The following RNF213 variants were observed in gnomAD, a reference collection of about 807,000 sequenced individuals.
RNF213 encodes the protein E3 ubiquitin-protein ligase RNF213.
In RNF213, 341 loss-of-function variants were observed where a neutral mutation model predicts 514.4. The observed-to-expected ratio is 0.66, with a 90% CI of 0.61 to 0.73. The LOEUF (loss-of-function observed/expected upper bound fraction) is 0.73, where lower values mean the gene tolerates loss of function less well. Among genes scored for constraint, RNF213 ranks in the 30% least tolerant of loss-of-function variants. The pLI, the probability that RNF213 is intolerant of heterozygous loss-of-function variation, is 0.00. For synonymous variants in RNF213, 2,655 were observed against 2,658.2 expected, an observed-to-expected ratio of 1.00 and a Z score of 0.04; for missense variants, 5,767 against 6,615.6, an observed-to-expected ratio of 0.87 and a Z score of 4.45.
chr17:80,273,204 C>G (rs1443918497), intron 2 of RNF213, 37 bp from the exon 3 acceptor site: 2 of 1,611,972 alleles, frequency 1.2e-6, no homozygotes, highest in African/African-American at 1.3e-5. Context: ...ACTCGCTTCT[C>G]TCTGAGATCT....
chr17:80,373,150 CG>C lies in RNF213; in HGVS notation c.12928del (p.Val4310LeufsTer48). ...RPHQWVFPKD[V>X]VKQQGLRQDH... is the part of the protein sequence containing the mutation. ...CGCACCAGTGGGTGTTTCCCAAGGA[CG>C]TTGTCAAGCAGCAGGTGAGAAGCGG... On this transcript the variant is annotated frameshift_variant, in exon 49 of 68. Transcript: ENST00000582970. LOFTEE classifies it high-confidence loss of function. 2 of 1,611,430 alleles carry C rather than the reference CG, an allele frequency of 1.2e-6. No homozygotes were observed. Among genetic ancestry groups the C allele is most frequent in the Middle Eastern group, 3.7e-4 (2 of 5,458 alleles).
At chr17:80,359,394 C>T (rs1349111455) in intron 37 of RNF213, among the ~76,000 whole-genome samples, 1 of 151,382 alleles carries the variant, frequency 6.6e-6, no homozygotes, top group Non-Finnish European at 1.5e-5. Context: ...TAACGTGGTG[C>T]GCACCTGTAG....
At chr17:80,331,433 G>A (rs1426419859) in intron 20 of RNF213, among the ~76,000 whole-genome samples, 1 of 144,570 alleles carries the variant, frequency 6.9e-6, no homozygotes, top group Non-Finnish European at 1.5e-5. Flanking sequence ...CTGTCACCCA[G>A]GCTGGAGTGC....
chr17:80,375,289 G>A (rs1454010155), intron 50 of RNF213, among the ~76,000 whole-genome samples: 1 of 152,196 alleles, frequency 6.6e-6, no homozygotes, highest in Non-Finnish European at 1.5e-5. Context: ...GCCCATGTGG[G>A]GCATGACCCC....
chr17:80,352,926 T>C lies in RNF213; in HGVS notation c.10304-14T>C. The C allele has an allele frequency of 6.2e-7, 1 of 1,614,004 alleles. No homozygotes were observed. The highest frequency in any genetic ancestry group is 1.1e-5 in the South Asian group (1 of 91,088). On this transcript the variant is annotated splice_polypyrimidine_tract_variant and intron_variant, in intron 32 of 67. Coordinates refer to ENST00000582970, the MANE Select transcript of RNF213 (RefSeq NM_001256071.3). ...AGACACAAAGACAGTTGTGGGTGGC[T>C]TCACTCTTCACAGGGCTGTGGCAGT...
intron 3 of RNF213, among the ~76,000 whole-genome samples, chr17:80,284,745 C>T (rs2044413336): frequency 6.6e-6 from 1 of 152,158 alleles, no homozygotes; most frequent in Non-Finnish European, 1.5e-5. Context: ...AGCTGTTTCC[C>T]GTTACTCCCT....
At position 80,354,170 on chromosome 17, in the gene RNF213, T is replaced by G. The variant is rs2078641759; in HGVS notation, c.10726+4T>G. The G allele has an allele frequency of 2.2e-5, 36 of 1,613,256 alleles. No homozygotes were observed. Among genetic ancestry groups the G allele is most frequent in the Non-Finnish European group, 3.1e-5 (36 of 1,180,000 alleles). On this transcript the variant is annotated splice_donor_region_variant and intron_variant, in intron 35 of 67. Coordinates refer to ENST00000582970, the MANE Select transcript of RNF213 (RefSeq NM_001256071.3). ...AATGAGGATGACGCGTGCCACGGTA[T>G]GAGCCTCCCCACCCCTCTTGCCCCT...
In RNF213 at chr17:80,319,469, G is replaced by A. The variant is rs369944980; in HGVS notation, c.3024+157G>A. 1.6e-5 allele frequency: 26 copies of A among 1,614,030 alleles called. No individual in the cohort carries two copies. In the African/African-American group the frequency reaches 1.7e-4, roughly 11 times the overall value. On this transcript the variant is annotated intron_variant, in intron 17 of 67. Transcript: ENST00000582970. ...CTCCTCCCTCGCCAAGGGCAATGGC[G>A]CTGAAATCTAGTTCTCTCCGGATTC... is the stretch of plus-strand genomic sequence containing the variant.
Position 80,346,626 on chromosome 17 carries a change from C to T in RNF213, c.8291C>T (p.Pro2764Leu). 1 of 1,612,932 alleles carries T rather than the reference C, an allele frequency of 6.2e-7. No homozygotes were observed. Among genetic ancestry groups the T allele is most frequent in the Non-Finnish European group, 8.5e-7 (1 of 1,180,032 alleles). Residue 2764 changes from proline (P) to leucine (L), a missense_variant, in exon 29 of 68, where the codon CCC (proline) becomes CTC (leucine). Pro to Leu is a moderately conservative substitution (Grantham distance 98). Transcript: ENST00000582970. The surrounding 1 kb of genome is among the most constrained non-coding windows in gnomAD (Gnocchi z 8.1). ...MMVVCIELKI[P>L]LFLVGKPGSS... ...GTCGTCTGCATCGAGCTGAAGATTC[C>T]CCTCTTCCTGGTGGGGAAGCCCGGC...
chr17:80,387,953 A>ATTTTT (rs35624579), intron 63 of RNF213, among the ~76,000 whole-genome samples: 2 of 111,348 alleles, frequency 1.8e-5, no homozygotes, highest in African/African-American at 3.9e-5. Flanking sequence ...GAGCCCATGG[A>ATTTTT]TTTTTTTTTT....
rs1413496345 is a variant in RNF213 at position 80,346,756 on chromosome 17, C to A, written c.8421C>A (p.Phe2807Leu). The A allele has an allele frequency of 2.5e-6, 4 of 1,613,282 alleles. No individual in the cohort carries two copies. Among genetic ancestry groups the A allele is most frequent in the Non-Finnish European group, 3.4e-6 (4 of 1,179,952 alleles). The change falls in exon 29 of 68, where the codon TTC becomes TTA. Residue 2807 changes from phenylalanine to leucine, a missense_variant. Around this residue, in one of 13 missense-constraint regions of RNF213, gnomAD observed 105 missense variants for 183.9 expected, o/e 0.57. Transcript: ENST00000582970. This position sits in a 1 kb window ranked among gnomAD's most constrained non-coding sequence, Gnocchi z 8.1. ...RSLKQVHLVS[F>L]QCSPHSTPQG... ...TGAAGCAGGTCCACCTGGTGTCCTT[C>A]CAGTGCAGCCCGCACTCCACCCCAC...
In RNF213 at chr17:80,377,149, G is replaced by A. The variant is rs1029714821; in HGVS notation, c.13510+186G>A. The A allele has an allele frequency of 1.4e-5, 9 of 627,626 alleles. No individual in the cohort carries two copies. The African/African-American group carries it at 1.5e-4, about 10-fold the overall frequency. The allele number at this position is 627,626 out of a possible 1,614,324, so 38.9% of individuals were successfully genotyped here. A position where few individuals can be genotyped will look rare whatever the true frequency, so the allele number is the denominator to read the frequency against. On this transcript the variant is annotated intron_variant, in intron 53 of 67. Transcript: ENST00000582970. This position sits in a 1 kb window ranked among gnomAD's most constrained non-coding sequence, Gnocchi z 4.1. ...GAAGGAGCTGGCACTCCGCCGGCTA[G>A]ATGATCCAAACCATTTCATTTCTTT...
At chr17:80,362,000 G>A (rs2079073726) in intron 39 of RNF213, 112 bp downstream of exon 39, 3 of 1,294,496 alleles carry the variant, frequency 2.3e-6, no homozygotes, top group South Asian at 1.2e-5. Flanking sequence ...GTGAAGTCTG[G>A]GAACAGAACA....
chr17:80,291,150 C>T (rs1039866601), intron 7 of RNF213, among the ~76,000 whole-genome samples: 11 of 152,080 alleles, frequency 7.2e-5, no homozygotes, highest in Admixed American at 2.0e-4. Context: ...TGACATTCTT[C>T]GGGTTCTGGA....
chr17:80,371,810 T>C, intron 46 of RNF213, 64 bp from the exon 47 acceptor site: 2 of 841,196 alleles, frequency 2.4e-6, no homozygotes, highest in Non-Finnish European at 4.0e-6. Flanking sequence ...ATAGATGCTC[T>C]TTTTTTTAGT....
At chr17:80,369,232 C>T (rs753376013) in intron 44 of RNF213, among the ~76,000 whole-genome samples, 3 of 152,058 alleles carry the variant, frequency 2.0e-5, no homozygotes, top group Non-Finnish European at 4.4e-5. Flanking sequence ...AACCCCATCT[C>T]TACTAAAAAT....
At position 80,309,141 on chromosome 17, in the gene RNF213, C is replaced by G; in HGVS notation, c.2625C>G (p.Val875=). ...TGCCAGCCTTATCTGCCGAGATTGT[C>G]TGCAGAATGATTAGACTTCTATCTC... The part of the protein sequence containing the change: ...YELPALSAEI[V]CRMIRLLSLV... The change falls in exon 14 of 68, where the codon GTC becomes GTG. Residue 875 remains valine, a synonymous_variant. Transcript: ENST00000582970. 1 of 1,614,178 alleles carries G rather than the reference C, an allele frequency of 6.2e-7. No individual in the cohort carries two copies. Among genetic ancestry groups the G allele is most frequent in the East Asian group, 2.2e-5 (1 of 44,892 alleles).
chr17:80,319,344 C>T lies in RNF213; in HGVS notation c.3024+32C>T, dbSNP rs563180457. The T allele has an allele frequency of 1.2e-5, 20 of 1,614,182 alleles. 1 individual carries two copies. Among genetic ancestry groups the T allele is most frequent in the Middle Eastern group, 1.6e-4 (1 of 6,062 alleles). On this transcript the variant is annotated intron_variant, in intron 17 of 67. Transcript: ENST00000582970. ...AATCTCTCCTCCTGGGAAACGGATT[C>T]GGGCTCACAGCTGTGTTCTGCCATG...
chr17:80,368,605 G>A lies in RNF213; in HGVS notation c.12155+462G>A, dbSNP rs530551595. ...GCACCACCATGCCCGGCTAATTTTT[G>A]TATTTTTAGTAGAGACAGGGTTTCA... is the stretch of plus-strand genomic sequence containing the variant. On this transcript the variant is annotated intron_variant, in intron 44 of 67. Coordinates refer to ENST00000582970, the MANE Select transcript of RNF213 (RefSeq NM_001256071.3). 3.5e-3 allele frequency among the ~76,000 whole-genome samples: 529 copies of A among 152,132 alleles called. 4 individuals are homozygous for A. The highest frequency in any genetic ancestry group is 5.0e-3 in the Non-Finnish European group (343 of 67,996).
Sources: allele counts gnomAD v4.1 joint callset (sites outside exome capture counted in the v4.1 genomes callset), GRCh38; gene constraint gnomAD v4.1.1; regional missense constraint gnomAD v4.1.1; non-coding constraint Gnocchi (gnomAD v3.1); transcripts MANE v1.5; gene names NCBI Gene and HGNC (gene_info 2026-07-23, HGNC 2026-07-21).